Variants in TG observed in about 807,000 individuals in gnomAD.
TG encodes the protein thyroid hormones.
Under a neutral mutation model 324.7 loss-of-function variants are expected in TG, and 270 were observed. The observed-to-expected ratio is 0.83, with a 90% CI of 0.75 to 0.92. TG has a LOEUF of 0.92. Ranked by LOEUF, TG falls within the 40% of genes least tolerant of loss-of-function variation. The pLI is 0.00. For missense variants in TG, 3,591 were observed against 3,456.4 expected (o/e 1.04, Z -0.98); for synonymous variants, 1,401 against 1,327.0 (o/e 1.06, Z -1.21).
chr8:132,887,254 G>C lies in TG; in HGVS notation c.1882G>C (p.Asp628His). The C allele has an allele frequency of 6.2e-7, 1 of 1,603,568 alleles. No individual in the cohort carries two copies. The highest frequency in any genetic ancestry group is 8.5e-7 in the Non-Finnish European group (1 of 1,173,898). The change falls in exon 9 of 48, where the codon GAT (aspartate) becomes CAT (histidine). Residue 628 changes from aspartate (D) to histidine (H), a missense_variant. Coordinates refer to ENST00000220616, the MANE Select transcript of TG (RefSeq NM_003235.5). ...PSCTTEGSYEDVQCFSGECWC... is the reference protein window; with the variant it reads ...PSCTTEGSYEHVQCFSGECWC... ...ATGCACGACAGAAGGAAGCTATGAG[G>C]ATGTCCAATGCTTTTCCGGAGAGTG...
chr8:133,080,470 T>C (rs1038347368), intron 41 of TG, among the ~76,000 whole-genome samples: 10 of 152,058 alleles, frequency 6.6e-5, no homozygotes, highest in Non-Finnish European at 1.3e-4. Context: ...CATTGGGTCT[T>C]CCCACGTCCC....
At position 132,972,718 on chromosome 8, in the gene TG, C is replaced by A; in HGVS notation, c.6176C>A (p.Pro2059His). ...GSPDIEVHTY[P>H]FGWYQKPIAQ... ...CCTGACATTGAAGTCCACACCTATC[C>A]CTTCGGATGGTACCAGAAGCCCAGT... Residue 2059 changes from proline (P) to histidine (H), a missense_variant, in exon 34 of 48, where the codon CCC (proline) becomes CAC (histidine). Transcript: ENST00000220616. The A allele has an allele frequency of 6.2e-7, 1 of 1,614,010 alleles. No homozygotes were observed. The highest frequency in any genetic ancestry group is 8.5e-7 in the Non-Finnish European group (1 of 1,179,994).
chr8:133,043,083 C>T (rs1185256106), intron 41 of TG, among the ~76,000 whole-genome samples: 5 of 152,110 alleles, frequency 3.3e-5, no homozygotes, highest in African/African-American at 7.2e-5. Context: ...GAAACAGTTC[C>T]GGTTTTTACC....
chr8:132,925,916 C>T (rs879517907), intron 22 of TG, among the ~76,000 whole-genome samples: 21 of 152,242 alleles, frequency 1.4e-4, no homozygotes, highest in Admixed American at 1.4e-3. Flanking sequence ...CGAGTCACAG[C>T]TGAGCTTTGA....
At chr8:132,932,543 A>G (rs1822871550) in intron 23 of TG, among the ~76,000 whole-genome samples, 1 of 152,210 alleles carries the variant, frequency 6.6e-6, no homozygotes, top group South Asian at 2.1e-4. Flanking sequence ...ATATATGTGA[A>G]AGTGCTTTGT....
intron 30 of TG, among the ~76,000 whole-genome samples, chr8:132,967,144 T>TCCATCCATCCACCCATCCAA (rs1828704599): frequency 1.3e-5 from 2 of 148,612 alleles, no homozygotes; most frequent in Non-Finnish European, 3.0e-5. Flanking sequence ...CATCCATCCA[T>TCCATCCATCCACCCATCCAA]CCATCCATCC....
intron 41 of TG, among the ~76,000 whole-genome samples, chr8:133,093,644 T>G (rs531174255): frequency 9.2e-5 from 14 of 152,318 alleles, no homozygotes; most frequent in African/African-American, 3.1e-4. Context: ...TCCTTGCCAC[T>G]GGCTGAGATT....
At chr8:132,957,274 T>C (rs957980035) in intron 27 of TG, among the ~76,000 whole-genome samples, 2 of 152,164 alleles carry the variant, frequency 1.3e-5, no homozygotes, top group African/African-American at 4.8e-5. Context: ...TTGAATTCCA[T>C]TGGATTAAAT....
intron 27 of TG, among the ~76,000 whole-genome samples, chr8:132,955,826 C>T (rs1826779723): frequency 6.6e-6 from 1 of 152,208 alleles, no homozygotes; most frequent in Non-Finnish European, 1.5e-5. Flanking sequence ...GCAGATGCAG[C>T]GCATGATCTC....
intron 14 of TG, among the ~76,000 whole-genome samples, chr8:132,899,653 T>C (rs979451594): frequency 2.6e-5 from 4 of 152,228 alleles, no homozygotes; most frequent in Admixed American, 2.0e-4. Context: ...TTTAGTTTTT[T>C]AATCTTGGCT....
Position 132,871,512 on chromosome 8 carries a change from G to A in TG, c.439G>A (p.Glu147Lys). ...QCWCVDAEGM[E>K]VYGTRQLGRP... The stretch of plus-strand genomic sequence containing the variant: ...CTGGTGTGTGGACGCAGAGGGGATG[G>A]AGGTGTATGGGACCCGCCAGCTGGG... Residue 147 changes from glutamate to lysine, a missense_variant, in exon 4 of 48, where the codon GAG becomes AAG. Glu to Lys is a moderately conservative substitution (Grantham distance 56). Transcript: ENST00000220616. The A allele has an allele frequency of 6.2e-7, 1 of 1,614,182 alleles. No individual in the cohort carries two copies. The highest frequency in any genetic ancestry group is 8.5e-7 in the Non-Finnish European group (1 of 1,180,016).
At chr8:133,007,446 G>A (rs1834119160) in intron 35 of TG, among the ~76,000 whole-genome samples, 1 of 151,808 alleles carries the variant, frequency 6.6e-6, no homozygotes, top group Non-Finnish European at 1.5e-5. Context: ...GCCAGATATT[G>A]TTACACAGAC....
At chr8:133,011,220 A>G (rs1009819343) in intron 35 of TG, among the ~76,000 whole-genome samples, 3 of 152,166 alleles carry the variant, frequency 2.0e-5, no homozygotes, top group African/African-American at 7.2e-5. Flanking sequence ...GATTTGTTCC[A>G]TCTTGAGGCT....
intron 35 of TG, among the ~76,000 whole-genome samples, chr8:132,988,284 C>T (rs1176786999): frequency 6.6e-6 from 1 of 152,116 alleles, no homozygotes; most frequent in Non-Finnish European, 1.5e-5. Context: ...GAGGAGTGTG[C>T]ATCTGTCAGA....
At chr8:132,951,692 A>T (rs1162283407) in intron 27 of TG, among the ~76,000 whole-genome samples, 1 of 152,164 alleles carries the variant, frequency 6.6e-6, no homozygotes, top group African/African-American at 2.4e-5. Context: ...GGCAGCCTTG[A>T]TACTCCAAAT....
chr8:133,032,135 C>A lies in TG; in HGVS notation c.7239+2112C>A, dbSNP rs1463332605. On this transcript the variant is annotated intron_variant, in intron 41 of 47. Coordinates refer to ENST00000220616, the MANE Select transcript of TG (RefSeq NM_003235.5). Reference sequence around the variant, plus strand: ...ATAATTATTTTGGGGCAGCAATGAGCAGATGACTGGGGGAAGTTTCAGTTG... The same window carrying A: ...ATAATTATTTTGGGGCAGCAATGAGAAGATGACTGGGGGAAGTTTCAGTTG... 2.0e-5 allele frequency among the ~76,000 whole-genome samples: 3 copies of A among 152,304 alleles called. No individual in the cohort carries two copies. The South Asian group carries it at 6.2e-4, about 32-fold the overall frequency.
chr8:132,911,500 C>A lies in TG; in HGVS notation c.4126C>A (p.Pro1376Thr), dbSNP rs151255365. 93 of 1,613,988 alleles carry A rather than the reference C, an allele frequency of 5.8e-5. No homozygotes were observed. The highest frequency in any genetic ancestry group is 6.7e-5 in the Non-Finnish European group (79 of 1,180,020). Residue 1376 changes from proline (P) to threonine (T), a missense_variant, in exon 19 of 48, where the codon CCA (proline) becomes ACA (threonine). Transcript: ENST00000220616. Reference protein sequence around the residue: ...VTWKSRLEDIPVASLPDLHDI... With the variant: ...VTWKSRLEDITVASLPDLHDI... Reference sequence around the variant, plus strand: ...ATGGAAATCACGGCTTGAGGACATCCCAGTGGCTTCTCTTCCTGACTTACA... The same window carrying A: ...ATGGAAATCACGGCTTGAGGACATCACAGTGGCTTCTCTTCCTGACTTACA...
rs529218847 is a variant in TG at position 132,893,863 on chromosome 8, C to G, written c.2935C>G (p.Arg979Gly). 5 of 1,614,044 alleles carry G rather than the reference C, an allele frequency of 3.1e-6. No homozygotes were observed. Among genetic ancestry groups the G allele is most frequent in the Non-Finnish European group, 4.2e-6 (5 of 1,179,946 alleles). Residue 979 changes from arginine (R) to glycine (G), a missense_variant, in exon 11 of 48, where the codon CGG (arginine) becomes GGG (glycine). By Grantham distance (125) the Arg-to-Gly change is moderately radical. Transcript: ENST00000220616. ...CGGCCTTCCTCCGCTCTTCCCGCCCCGGGAGGCTTTCGCGGAGCAGTTTCT... is the reference window on the plus strand; with the variant it reads ...CGGCCTTCCTCCGCTCTTCCCGCCCGGGGAGGCTTTCGCGGAGCAGTTTCT... ...DLGLPPLFPP[R>G]EAFAEQFLRG...
intron 41 of TG, chr8:133,047,589 A>T: frequency 1.8e-6 from 1 of 541,146 alleles, no homozygotes; most frequent in African/African-American, 1.9e-5. Context: ...AGCAGGAGTC[A>T]TCAGGCCTGA....
Sources: gnomAD v4.1 joint callset for allele counts (sites outside exome capture counted in the v4.1 genomes callset) on GRCh38, gnomAD v4.1.1 for gene constraint, MANE v1.5 for transcripts, NCBI Gene and HGNC (gene_info 2026-07-23, HGNC 2026-07-21) for gene names.